The following DMD variants were observed in gnomAD, a reference collection of about 807,000 sequenced individuals.
The protein encoded by DMD is mutant dystrophin.
A neutral mutation model predicts 330.1 loss-of-function variants in DMD; 63 were observed. The ratio of observed to expected loss-of-function variants is 0.19; its 90% confidence interval spans 0.16 to 0.24. The LOEUF is 0.24. Among genes scored for constraint, DMD ranks in the 10% least tolerant of loss-of-function variants. The probability of loss-of-function intolerance (pLI) is 1.00; values close to 1 mark genes in which losing one functional copy is unlikely to be tolerated. For synonymous variants in DMD, 1,223 were observed against 959.8 expected, an observed-to-expected ratio of 1.27 and a Z score of -5.07; for missense variants, 3,344 against 2,684.1, an observed-to-expected ratio of 1.25 and a Z score of -5.43.
intron 44 of DMD, among the ~76,000 whole-genome samples, chrX:32,125,515 A>T (rs1484452825): frequency 1.8e-5 from 2 of 111,680 alleles, no homozygotes; most frequent in Non-Finnish European, 3.8e-5. Context: ...TCAATTAGGC[A>T]GGGGGGTATG....
intron 55 of DMD, among the ~76,000 whole-genome samples, chrX:31,619,402 T>C (rs201076022): frequency 9.8e-6 from 1 of 102,185 alleles, no homozygotes; most frequent in East Asian, 3.0e-4. Context: ...TTATTATTCT[T>C]TATTAATTAA....
At chrX:33,150,517 C>T (rs371789050) in intron 1 of DMD, among the ~76,000 whole-genome samples, 27 of 109,730 alleles carry the variant, frequency 2.5e-4, no homozygotes, top group East Asian at 2.0e-3. Flanking sequence ...TGGTCTCGAA[C>T]TCCTGACCTC....
intron 2 of DMD, among the ~76,000 whole-genome samples, chrX:32,996,549 G>A (rs1049083412): frequency 4.5e-5 from 5 of 111,761 alleles, no homozygotes; most frequent in African/African-American, 6.5e-5. Flanking sequence ...CTTGATGGCC[G>A]CGGTGGCTCA....
chrX:31,169,721 C>A, intron 73 of DMD, 120 bp from the exon 74 acceptor site: 1 of 674,002 alleles, frequency 1.5e-6, no homozygotes, highest in Non-Finnish European at 2.3e-6. Flanking sequence ...TTAATTAGAC[C>A]TTTTTTCCTG....
At chrX:33,031,489 T>C (rs763876928) in intron 1 of DMD, among the ~76,000 whole-genome samples, 7 of 111,043 alleles carry the variant, frequency 6.3e-5, no homozygotes, top group Non-Finnish European at 1.3e-4. Context: ...AAAAGACTCA[T>C]AGGCCGGGTG....
At chrX:31,756,490 G>A (rs751385848) in intron 51 of DMD, among the ~76,000 whole-genome samples, 208 of 110,085 alleles carry the variant, frequency 1.9e-3, no homozygotes, top group Non-Finnish European at 2.8e-3. Context: ...ACACACACAC[G>A]CGCATGCACG....
At chrX:32,949,346 A>G (rs7886077) in intron 2 of DMD, among the ~76,000 whole-genome samples, 7,021 of 40,277 alleles carry the variant, frequency 0.17, 333 homozygotes, top group Non-Finnish European at 0.19. Flanking sequence ...AGGTAGGTAG[A>G]TAGATAGATA....
intron 2 of DMD, among the ~76,000 whole-genome samples, chrX:32,979,166 A>T (rs1053489568): frequency 8.9e-6 from 1 of 112,489 alleles, no homozygotes; most frequent in Non-Finnish European, 1.9e-5. Flanking sequence ...TGGCAACAGA[A>T]ATCTTCTCAT....
chrX:32,302,301 G>A (rs2097526329), intron 42 of DMD, among the ~76,000 whole-genome samples: 1 of 111,238 alleles, frequency 9.0e-6, no homozygotes, highest in South Asian at 3.7e-4. Context: ...AGGTAAGCTA[G>A]GCTAAACCAT....
At chrX:33,008,813 C>CGTATATAT (rs2093457724) in intron 2 of DMD, among the ~76,000 whole-genome samples, 1 of 35,830 alleles carries the variant, frequency 2.8e-5, no homozygotes, top group African/African-American at 1.4e-4. Context: ...CGTATATATA[C>CGTATATAT]ACATAAATGT....
chrX:32,365,019 C>A lies in DMD; in HGVS notation c.5025+1G>T. 1 of 1,210,278 alleles carries A rather than the reference C, an allele frequency of 8.3e-7. No homozygotes were observed. Among genetic ancestry groups the A allele is most frequent in the Non-Finnish European group, 1.1e-6 (1 of 894,563 alleles). On this transcript the variant is annotated splice_donor_variant, in intron 35 of 78. Transcript: ENST00000357033. LOFTEE classifies it high-confidence loss of function. ...TAAAAGCTTCTAGCCTTTTCTCTTA[C>A]CAACAAAAGATTTAACCACTCTTCT...
intron 52 of DMD, among the ~76,000 whole-genome samples, chrX:31,679,992 C>T (rs1450813926): frequency 8.9e-6 from 1 of 112,263 alleles, no homozygotes; most frequent in East Asian, 2.8e-4. Flanking sequence ...GTTTGCTTTG[C>T]CATCCATGTG....
intron 2 of DMD, among the ~76,000 whole-genome samples, chrX:32,888,209 C>T (rs2084856896): frequency 9.1e-6 from 1 of 110,134 alleles, no homozygotes; most frequent in Admixed American, 9.7e-5. Flanking sequence ...CATAGGTATA[C>T]ATGTGCCATG....
chrX:32,054,944 G>T (rs2096156897), intron 44 of DMD, among the ~76,000 whole-genome samples: 1 of 109,566 alleles, frequency 9.1e-6, no homozygotes, highest in Non-Finnish European at 1.9e-5. Context: ...ATACAAGGAT[G>T]CAAAGAGAAT....
intron 1 of DMD, among the ~76,000 whole-genome samples, chrX:33,269,780 G>C (rs892659437): frequency 9.0e-6 from 1 of 110,753 alleles, no homozygotes; most frequent in Non-Finnish European, 1.9e-5. Context: ...TCAAGAGTCT[G>C]ATGGGGTCTC....
chrX:31,842,562 T>C lies in DMD; in HGVS notation c.7099-5743A>G, dbSNP rs181122892. 2.7e-5 allele frequency among the ~76,000 whole-genome samples: 3 copies of C among 111,642 alleles called. No homozygotes were observed. In the East Asian group the frequency reaches 8.5e-4, roughly 32 times the overall value. On this transcript the variant is annotated intron_variant, in intron 48 of 78. Transcript: ENST00000357033. ...CTCATGGTTGTTTTATTCTAAGAAA[T>C]TGGCATAGTCACTCCAACCTTTCAA...
At chrX:32,701,034 C>T (rs906467153) in intron 7 of DMD, among the ~76,000 whole-genome samples, 5 of 111,814 alleles carry the variant, frequency 4.5e-5, no homozygotes, top group African/African-American at 1.3e-4. Flanking sequence ...TACTTCTATC[C>T]GTAGAACAAT....
intron 16 of DMD, among the ~76,000 whole-genome samples, chrX:32,554,919 A>G (rs12838174): frequency 7.3e-5 from 3 of 41,233 alleles, no homozygotes; most frequent in African/African-American, 1.9e-4. Flanking sequence ...GAAAGAAAGA[A>G]AGAAAGAAAG....
chrX:33,052,730 T>G (rs1205594614), intron 1 of DMD, among the ~76,000 whole-genome samples: 1 of 111,989 alleles, frequency 8.9e-6, no homozygotes, highest in Non-Finnish European at 1.9e-5. Context: ...TTTCTCAGAA[T>G]CTAAGCCCTA....
Sources: allele counts gnomAD v4.1 joint callset (sites outside exome capture counted in the v4.1 genomes callset), GRCh38; gene constraint gnomAD v4.1.1; transcripts MANE v1.5; gene names NCBI Gene and HGNC (gene_info 2026-07-23, HGNC 2026-07-21).